The following ZNF804B variants were observed in gnomAD, a reference collection of about 807,000 sequenced individuals.
ZNF804B encodes zinc finger 804B.
Under a neutral mutation model 101.4 loss-of-function variants are expected in ZNF804B, and 80 were observed. The ratio of observed to expected loss-of-function variants is 0.79; its 90% confidence interval spans 0.66 to 0.95. The LOEUF is 0.95. Among genes scored for constraint, ZNF804B ranks in the 40% least tolerant of loss-of-function variants. The pLI is 0.00. For missense variants in ZNF804B, 1,673 were observed against 1,561.9 expected (o/e 1.07, Z -1.20); for synonymous variants, 622 against 558.8 (o/e 1.11, Z -1.59).
intron 1 of ZNF804B, among the ~76,000 whole-genome samples, chr7:89,143,325 A>G (rs1289081373): frequency 6.6e-6 from 1 of 151,692 alleles, no homozygotes; most frequent in Non-Finnish European, 1.5e-5. Flanking sequence ...TTTTATTACA[A>G]ACTCCATCCT....
Position 89,221,896 on chromosome 7 carries a change from C to T in ZNF804B, c.249+3601C>T, listed in dbSNP as rs796193928. 6.2e-4 allele frequency among the ~76,000 whole-genome samples: 94 copies of T among 151,984 alleles called. 1 individual carries two copies. The highest frequency in any genetic ancestry group is 2.1e-3 in the African/African-American group (89 of 41,478). The stretch of plus-strand genomic sequence containing the variant: ...TGCTACTGTGTCCATTGTGAAAAAG[C>T]GACACATTTGGCTTCCACCTTCAGG... On this transcript the variant is annotated intron_variant, in intron 2 of 3. Coordinates refer to ENST00000333190, the MANE Select transcript of ZNF804B (RefSeq NM_181646.5).
intron 1 of ZNF804B, among the ~76,000 whole-genome samples, chr7:89,151,715 T>G (rs182065099): frequency 1.3e-5 from 2 of 151,464 alleles, no homozygotes; most frequent in East Asian, 1.9e-4. Context: ...AAAAAAATAA[T>G]TTTCCTGAAA....
chr7:88,988,077 T>A (rs1793790244), intron 1 of ZNF804B, among the ~76,000 whole-genome samples: 1 of 151,972 alleles, frequency 6.6e-6, no homozygotes, highest in Non-Finnish European at 1.5e-5. Context: ...ATGCGATATT[T>A]GTCCTTGTAT....
intron 1 of ZNF804B, among the ~76,000 whole-genome samples, chr7:89,134,867 T>A (rs569992872): frequency 2.5e-4 from 38 of 152,190 alleles, no homozygotes; most frequent in African/African-American, 8.7e-4. Context: ...TTTGAGCTAC[T>A]ATGTACTGTG....
intron 2 of ZNF804B, among the ~76,000 whole-genome samples, chr7:89,252,940 C>T (rs1455570331): frequency 1.3e-5 from 2 of 152,054 alleles, no homozygotes; most frequent in Non-Finnish European, 2.9e-5. Flanking sequence ...AACTGGGTGA[C>T]GGGAATCTAT....
chr7:89,219,983 A>ATG (rs1554380179), intron 2 of ZNF804B, among the ~76,000 whole-genome samples: 1 of 143,368 alleles, frequency 7.0e-6, no homozygotes, highest in African/African-American at 2.6e-5. Flanking sequence ...GTATATACAT[A>ATG]TGTGTGCATA....
chr7:88,845,248 A>G (rs1457815124), intron 1 of ZNF804B, among the ~76,000 whole-genome samples: 1 of 152,090 alleles, frequency 6.6e-6, no homozygotes, highest in African/African-American at 2.4e-5. Context: ...TAAACAGAAT[A>G]ATAAAAGCAC....
chr7:88,793,139 C>G (rs1482669392), intron 1 of ZNF804B, among the ~76,000 whole-genome samples: 1 of 151,988 alleles, frequency 6.6e-6, no homozygotes, highest in Non-Finnish European at 1.5e-5. Flanking sequence ...TGATTTGGGA[C>G]AAATATCATT....
In ZNF804B at chr7:89,094,573, C is replaced by T. The variant is rs145197393; in HGVS notation, c.109-123582C>T. 9.1e-4 allele frequency among the ~76,000 whole-genome samples: 139 copies of T among 152,142 alleles called. No homozygotes were observed. The East Asian group carries it at 0.013, about 14-fold the overall frequency. On this transcript the variant is annotated intron_variant, in intron 1 of 3. Transcript: ENST00000333190. ...AAAAAAAAATCCTGGAATTTTAATA[C>T]GTTAGTCGCTGAGATGCAGTAGTTT...
At chr7:88,870,018 G>C (rs753198274) in intron 1 of ZNF804B, among the ~76,000 whole-genome samples, 6 of 152,194 alleles carry the variant, frequency 3.9e-5, no homozygotes, top group Non-Finnish European at 7.3e-5. Flanking sequence ...CTGAAGGACA[G>C]GCTCTGGGAT....
At chr7:89,103,083 T>A (rs1002337779) in intron 1 of ZNF804B, among the ~76,000 whole-genome samples, 128 of 104,614 alleles carry the variant, frequency 1.2e-3, no homozygotes, top group South Asian at 2.4e-3. Flanking sequence ...TTTTTTTTTT[T>A]ACCAATACTG....
At chr7:89,128,078 C>A (rs1041251617) in intron 1 of ZNF804B, among the ~76,000 whole-genome samples, 1 of 151,634 alleles carries the variant, frequency 6.6e-6, no homozygotes, top group African/African-American at 2.4e-5. Context: ...GTATGTATAT[C>A]CAATTCTATT....
intron 1 of ZNF804B, among the ~76,000 whole-genome samples, chr7:88,816,579 A>G (rs1790881912): frequency 6.6e-6 from 1 of 151,420 alleles, no homozygotes; most frequent in Admixed American, 6.6e-5. Context: ...AAAGGATATG[A>G]ACAGACACTT....
intron 1 of ZNF804B, among the ~76,000 whole-genome samples, chr7:88,846,124 T>C (rs1791369948): frequency 1.3e-5 from 2 of 152,222 alleles, no homozygotes; most frequent in Non-Finnish European, 2.9e-5. Flanking sequence ...TATTTACTTA[T>C]GACATTAACT....
chr7:88,782,285 G>A (rs1790241025), intron 1 of ZNF804B, among the ~76,000 whole-genome samples: 1 of 152,026 alleles, frequency 6.6e-6, no homozygotes, highest in Admixed American at 6.6e-5. Flanking sequence ...GGAGATCAGA[G>A]GAGGGACAGG....
intron 2 of ZNF804B, among the ~76,000 whole-genome samples, chr7:89,278,407 A>C (rs2115860254): frequency 6.7e-6 from 1 of 150,366 alleles, no homozygotes. Context: ...TCGGTGTTTT[A>C]GACATGAAGT....
chr7:89,184,158 A>G (rs370748194), intron 1 of ZNF804B, among the ~76,000 whole-genome samples: 18 of 152,300 alleles, frequency 1.2e-4, no homozygotes, highest in South Asian at 8.3e-4. Context: ...CTGTGCAGAC[A>G]TGTTGTGGAG....
At chr7:89,036,500 T>A (rs1788930085) in intron 1 of ZNF804B, among the ~76,000 whole-genome samples, 1 of 152,048 alleles carries the variant, frequency 6.6e-6, no homozygotes, top group Non-Finnish European at 1.5e-5. Context: ...ATAAAGCATT[T>A]ATGATAAGGG....
intron 1 of ZNF804B, among the ~76,000 whole-genome samples, chr7:89,208,556 T>A (rs1239607441): frequency 1.3e-5 from 2 of 152,116 alleles, no homozygotes; most frequent in Non-Finnish European, 2.9e-5. Flanking sequence ...CAGTAGCTGC[T>A]GTTATGATTA....
Sources: gnomAD v4.1 joint callset for allele counts (sites outside exome capture counted in the v4.1 genomes callset) on GRCh38, gnomAD v4.1.1 for gene constraint, MANE v1.5 for transcripts, NCBI Gene and HGNC (gene_info 2026-07-23, HGNC 2026-07-21) for gene names.